Variants in FSTL5 observed in about 807,000 individuals in gnomAD.
The protein encoded by FSTL5 is follistatin-related protein 5.
In FSTL5, 62 loss-of-function variants were observed where a neutral mutation model predicts 89.1. The ratio of observed to expected loss-of-function variants is 0.70; its 90% CI spans 0.57 to 0.86. FSTL5 has a LOEUF of 0.86. Ranked by LOEUF, FSTL5 falls within the 40% of genes least tolerant of loss-of-function variation. The pLI, the probability that FSTL5 is intolerant of heterozygous loss-of-function variation, is 0.00. For missense variants in FSTL5, 1,057 were observed against 1,001.6 expected, an observed-to-expected ratio of 1.06 and a Z score of -0.75; for synonymous variants, 383 against 346.2, an observed-to-expected ratio of 1.11 and a Z score of -1.18.
intron 2 of FSTL5, among the ~76,000 whole-genome samples, chr4:162,044,577 G>A (rs1396517603): frequency 6.6e-6 from 1 of 152,150 alleles, no homozygotes; most frequent in Non-Finnish European, 1.5e-5. Context: ...GAGTGAACCT[G>A]TCCTTTCAAG....
At chr4:161,428,766 G>A (rs1471491369) in intron 15 of FSTL5, among the ~76,000 whole-genome samples, 1 of 152,166 alleles carries the variant, frequency 6.6e-6, no homozygotes, top group Non-Finnish European at 1.5e-5. Context: ...ACTCACAGAT[G>A]TGCTGGCTTC....
intron 4 of FSTL5, among the ~76,000 whole-genome samples, chr4:161,846,632 A>AT (rs1034645229): frequency 6.6e-6 from 1 of 151,914 alleles, no homozygotes; most frequent in African/African-American, 2.4e-5. Flanking sequence ...TCATTGTTTC[A>AT]TTTTTTTTCT....
chr4:161,707,021 GTAGT>G (rs1393456883), intron 6 of FSTL5, among the ~76,000 whole-genome samples: 13 of 151,624 alleles, frequency 8.6e-5, no homozygotes, highest in African/African-American at 2.7e-4. Context: ...TATTCAGACT[GTAGT>G]TAGAGTTACA....
chr4:162,119,042 C>A (rs1385171309), intron 1 of FSTL5, among the ~76,000 whole-genome samples: 2 of 151,964 alleles, frequency 1.3e-5, no homozygotes, highest in East Asian at 3.9e-4. Flanking sequence ...GGCAATATAG[C>A]AAGACCCCCT....
intron 15 of FSTL5, among the ~76,000 whole-genome samples, chr4:161,396,148 C>A (rs530508150): frequency 6.6e-6 from 1 of 151,250 alleles, no homozygotes; most frequent in East Asian, 1.9e-4. Context: ...GCGAGAGAAG[C>A]CCACCCATCC....
At chr4:162,019,774 G>C (rs1417080151) in intron 3 of FSTL5, among the ~76,000 whole-genome samples, 2 of 148,834 alleles carry the variant, frequency 1.3e-5, no homozygotes, top group South Asian at 2.1e-4. Flanking sequence ...CTTTCTCTGT[G>C]TGTGTGTGTG....
chr4:162,020,543 C>G (rs1737044962), intron 3 of FSTL5, among the ~76,000 whole-genome samples: 1 of 151,920 alleles, frequency 6.6e-6, no homozygotes, highest in Non-Finnish European at 1.5e-5. Context: ...TAGATGGGGA[C>G]TATTGTTTGA....
chr4:162,105,756 C>T (rs1046841496), intron 2 of FSTL5, among the ~76,000 whole-genome samples: 3 of 152,108 alleles, frequency 2.0e-5, no homozygotes, highest in Non-Finnish European at 2.9e-5. Context: ...ATTCTTTTAA[C>T]TCCTCTGACC....
intron 15 of FSTL5, among the ~76,000 whole-genome samples, chr4:161,437,525 C>T (rs1732602802): frequency 7.9e-6 from 1 of 126,966 alleles, no homozygotes; most frequent in Middle Eastern, 5.1e-3. Context: ...AGAGATGGCG[C>T]CACCGCACTC....
chr4:161,692,388 G>C (rs1007525567), intron 6 of FSTL5, among the ~76,000 whole-genome samples: 2 of 150,942 alleles, frequency 1.3e-5, no homozygotes, highest in African/African-American at 4.9e-5. Flanking sequence ...AATTCTACTA[G>C]TGTAATGTAT....
intron 4 of FSTL5, among the ~76,000 whole-genome samples, chr4:161,911,085 A>C (rs931078473): frequency 1.3e-5 from 2 of 152,120 alleles, no homozygotes; most frequent in Non-Finnish European, 2.9e-5. Flanking sequence ...AGCTGTTTGA[A>C]TCGACCATGA....
At chr4:161,559,051 A>G (rs527474944) in intron 8 of FSTL5, among the ~76,000 whole-genome samples, 59 of 152,024 alleles carry the variant, frequency 3.9e-4, no homozygotes, top group African/African-American at 1.1e-3. Context: ...TTTAAAATTG[A>G]AAGTATTATG....
intron 6 of FSTL5, among the ~76,000 whole-genome samples, chr4:161,689,305 A>G (rs1291952242): frequency 6.6e-6 from 1 of 152,084 alleles, no homozygotes; most frequent in African/African-American, 2.4e-5. Flanking sequence ...TTCTATAGAA[A>G]GGGCTTTTAG....
At chr4:162,125,569 A>C (rs561795245) in intron 1 of FSTL5, among the ~76,000 whole-genome samples, 20 of 152,238 alleles carry the variant, frequency 1.3e-4, no homozygotes, top group African/African-American at 4.1e-4. Context: ...CAGATACCAC[A>C]GCTTTTAACT....
intron 6 of FSTL5, among the ~76,000 whole-genome samples, chr4:161,737,978 G>A (rs1171669506): frequency 2.0e-5 from 3 of 152,024 alleles, no homozygotes; most frequent in African/African-American, 7.2e-5. Flanking sequence ...TTTGAAGAAA[G>A]AATGAGCAGG....
intron 15 of FSTL5, among the ~76,000 whole-genome samples, chr4:161,438,759 AT>A (rs1350060254): frequency 1.3e-5 from 2 of 152,048 alleles, no homozygotes; most frequent in Non-Finnish European, 2.9e-5. Flanking sequence ...CAAATGATTA[AT>A]TTTTTTACAA....
At chr4:161,829,357 AT>A (rs1363891632) in intron 4 of FSTL5, among the ~76,000 whole-genome samples, 9 of 151,074 alleles carry the variant, frequency 6.0e-5, no homozygotes, top group African/African-American at 1.7e-4. Context: ...AAATGAAGTA[AT>A]TTTTTTTCAA....
At chr4:161,526,530 G>C (rs1031641666) in intron 10 of FSTL5, among the ~76,000 whole-genome samples, 1 of 152,170 alleles carries the variant, frequency 6.6e-6, no homozygotes, top group Non-Finnish European at 1.5e-5. Flanking sequence ...CCATGCCTAT[G>C]TCCTGAATGG....
chr4:161,497,358 G>A (rs947007515), intron 12 of FSTL5, among the ~76,000 whole-genome samples: 4 of 151,832 alleles, frequency 2.6e-5, no homozygotes, highest in Non-Finnish European at 4.4e-5. Flanking sequence ...CATATATTCT[G>A]TATTTAAAAA....
Sources: allele counts gnomAD v4.1 joint callset (sites outside exome capture counted in the v4.1 genomes callset), GRCh38; gene constraint gnomAD v4.1.1; transcripts MANE v1.5; gene names NCBI Gene and HGNC (gene_info 2026-07-23, HGNC 2026-07-21).